AP4S1: variants seen among roughly 807,000 people sequenced by gnomAD.
The protein encoded by AP4S1 is adaptor related protein complex 4 subunit sigma 1.
A neutral mutation model predicts 19.8 loss-of-function variants in AP4S1; 23 were observed. That is an observed-to-expected ratio of 1.16 (90% CI 0.84 to 1.65). The LOEUF (loss-of-function observed/expected upper bound fraction) is 1.65, where lower values mean the gene tolerates loss of function less well. Among genes scored for constraint, AP4S1 ranks in the 40% most tolerant of loss-of-function variants. The pLI is 0.00. For synonymous variants in AP4S1, 46 were observed against 54.1 expected (o/e 0.85, Z 0.66); for missense variants, 166 against 172.8 (o/e 0.96, Z 0.22).
chr14:31,075,479 A>C (rs1256382251), intron 4 of AP4S1, among the ~76,000 whole-genome samples: 2 of 152,170 alleles, frequency 1.3e-5, no homozygotes, highest in Admixed American at 6.6e-5. Context: ...GGACAGTGCT[A>C]CAATAAACAT....
Position 31,048,274 on chromosome 14 carries a change from G to C in AP4S1, c.-71-17852G>C, listed in dbSNP as rs553570632. Among the ~76,000 whole-genome samples the C allele has an allele frequency of 2.0e-5, 3 of 150,968 alleles. No individual in the cohort carries two copies. In the South Asian group the frequency reaches 6.3e-4, roughly 32 times the overall value. ...ACACCTGGCTAACTTTTTGTATTTT[G>C]TATTTTTAGTAGAAACGGGGTCCCA... On this transcript the variant is annotated intron_variant, in intron 1 of 5. Transcript: ENST00000542754.
At chr14:31,075,669 G>A (rs1887314053) in intron 4 of AP4S1, among the ~76,000 whole-genome samples, 1 of 151,716 alleles carries the variant, frequency 6.6e-6, no homozygotes, top group South Asian at 2.1e-4. Context: ...ATCCATCCAT[G>A]TTATAGCATA....
intron 1 of AP4S1, chr14:31,026,356 G>T: frequency 2.6e-6 from 1 of 380,942 alleles, no homozygotes; most frequent in Non-Finnish European, 3.9e-6. Context: ...GCCGGCTGCC[G>T]CCATTACAAT....
At chr14:31,080,695 C>T in intron 5 of AP4S1, 111 bp downstream of exon 5, 1 of 1,471,766 alleles carries the variant, frequency 6.8e-7, no homozygotes, top group Non-Finnish European at 9.5e-7. Flanking sequence ...GAGTGTTCAT[C>T]ACCAACAACT....
At chr14:31,032,771 T>C (rs568468192) in intron 1 of AP4S1, among the ~76,000 whole-genome samples, 124 of 152,140 alleles carry the variant, frequency 8.2e-4, no homozygotes, top group African/African-American at 2.8e-3. Context: ...CCTGACCTCA[T>C]GATCCGCCCG....
intron 1 of AP4S1, among the ~76,000 whole-genome samples, chr14:31,053,449 A>G (rs1182312281): frequency 6.6e-6 from 1 of 152,160 alleles, no homozygotes; most frequent in African/African-American, 2.4e-5. Context: ...GCAAGTCACG[A>G]AGAACAGAGG....
chr14:31,049,975 G>A (rs183976425), intron 1 of AP4S1, among the ~76,000 whole-genome samples: 1 of 151,770 alleles, frequency 6.6e-6, no homozygotes, highest in Admixed American at 6.6e-5. Flanking sequence ...AGACTGGAGT[G>A]CAGTGGCATG....
In AP4S1 at chr14:31,074,382, G is replaced by A. The variant is rs952208750; in HGVS notation, c.294+1409G>A. 4.0e-5 allele frequency among the ~76,000 whole-genome samples: 6 copies of A among 150,464 alleles called. No individual in the cohort carries two copies. In the East Asian group the frequency reaches 1.2e-3, roughly 30 times the overall value. On this transcript the variant is annotated intron_variant, in intron 4 of 5. Transcript: ENST00000542754. ...AAATAAATAAAGTAAGCTGGGCGCG[G>A]TGGCTGACGCCTGTAATCTCAGCAC...
intron 5 of AP4S1, chr14:31,085,728 G>A: frequency 1.2e-6 from 1 of 803,608 alleles, no homozygotes; most frequent in Non-Finnish European, 1.5e-6. Flanking sequence ...AGCCATGATT[G>A]TGCTACTGCA....
chr14:31,034,785 ATT>A (rs552433156), intron 1 of AP4S1, among the ~76,000 whole-genome samples: 1 of 139,710 alleles, frequency 7.2e-6, no homozygotes, highest in Non-Finnish European at 1.6e-5. Flanking sequence ...GACCAGCTAA[ATT>A]TTTTTTTTTT....
At chr14:31,027,755 G>A (rs1884115911) in intron 1 of AP4S1, among the ~76,000 whole-genome samples, 1 of 152,288 alleles carries the variant, frequency 6.6e-6, no homozygotes, top group East Asian at 1.9e-4. Context: ...TATGTGCTTA[G>A]TTTCCTAGAA....
At chr14:31,031,702 A>G (rs1884398265) in intron 1 of AP4S1, among the ~76,000 whole-genome samples, 2 of 152,298 alleles carry the variant, frequency 1.3e-5, no homozygotes, top group South Asian at 4.1e-4. Flanking sequence ...AGCTCACCCA[A>G]GCCACATTAT....
At chr14:31,038,040 T>C (rs1884882008) in intron 1 of AP4S1, among the ~76,000 whole-genome samples, 1 of 152,208 alleles carries the variant, frequency 6.6e-6, no homozygotes, top group African/African-American at 2.4e-5. Context: ...ATAAAGTGCT[T>C]CTGGGCTAAG....
rs529269503 is a variant in AP4S1 at position 31,095,776 on chromosome 14, T to TA, written c.*2742dup. The TA allele has an allele frequency of 2.6e-3, 401 of 152,270 alleles. No individual in the cohort carries two copies. Among genetic ancestry groups the TA allele is most frequent in the African/African-American group, 9.2e-3 (383 of 41,554 alleles). 9.4% of individuals were successfully genotyped at this position (152,270 alleles called of 1,614,324 possible). ...TAATAAGCTTACTGTTAATGAAATT[T>TA]AGTTCAAAGTTTAAAAGTAGAATGC... On this transcript the variant is annotated 3_prime_UTR_variant, in exon 6 of 6. Coordinates refer to ENST00000542754, the MANE Select transcript of AP4S1 (RefSeq NM_001128126.3).
intron 1 of AP4S1, among the ~76,000 whole-genome samples, chr14:31,059,991 ATATTTATATG>A (rs1227204245): frequency 8.4e-5 from 6 of 71,802 alleles, no homozygotes; most frequent in South Asian, 4.4e-4. Flanking sequence ...ATATGTATAT[ATATTTATATG>A]TATTTATGTA....
At chr14:31,065,768 C>A (rs891052309) in intron 1 of AP4S1, among the ~76,000 whole-genome samples, 1 of 152,174 alleles carries the variant, frequency 6.6e-6, no homozygotes, top group African/African-American at 2.4e-5. Context: ...TCACACCATT[C>A]CCCTGCCTCA....
At chr14:31,062,629 A>C (rs1288697378) in intron 1 of AP4S1, among the ~76,000 whole-genome samples, 1 of 152,202 alleles carries the variant, frequency 6.6e-6, no homozygotes, top group East Asian at 1.9e-4. Flanking sequence ...GCGATGCTAA[A>C]GTTAATGAAA....
intron 1 of AP4S1, among the ~76,000 whole-genome samples, chr14:31,033,737 C>G (rs1408754975): frequency 6.6e-6 from 1 of 152,174 alleles, no homozygotes; most frequent in Non-Finnish European, 1.5e-5. Flanking sequence ...GAAACACAGG[C>G]AGGGCACTTG....
intron 1 of AP4S1, chr14:31,027,096 T>A: frequency 6.8e-6 from 1 of 146,038 alleles, no homozygotes. Flanking sequence ...TTTCCTTTTC[T>A]GGAATGGGTT....
Sources: gnomAD v4.1 joint callset for allele counts (sites outside exome capture counted in the v4.1 genomes callset) on GRCh38, gnomAD v4.1.1 for gene constraint, MANE v1.5 for transcripts, NCBI Gene and HGNC (gene_info 2026-07-23, HGNC 2026-07-21) for gene names.